The following GALNS variants were observed in gnomAD, a reference collection of about 807,000 sequenced individuals.
GALNS encodes galactosamine (N-acetyl)-6-sulfatase, also known as N-acetylgalactosamine-6-sulfatase.
A neutral mutation model predicts 65.9 loss-of-function variants in GALNS; 65 were observed. That is an observed-to-expected ratio of 0.99 (90% CI 0.81 to 1.21). The LOEUF is 1.21. Ranked by LOEUF, GALNS falls within the 50% of genes most tolerant of loss-of-function variation. GALNS has a pLI of 0.00. For synonymous variants in GALNS, 346 were observed against 288.9 expected (o/e 1.20, Z -2.00); for missense variants, 776 against 700.7 (o/e 1.11, Z -1.21).
chr16:88,842,072 G>A (rs1967001889), intron 2 of GALNS, 101 bp from the exon 3 acceptor site: 11 of 1,041,434 alleles, frequency 1.1e-5, no homozygotes, highest in African/African-American at 7.9e-5. Flanking sequence ...CGTGACAGAC[G>A]AGGCACGCGC....
intron 6 of GALNS, 117 bp from the exon 7 acceptor site, chr16:88,835,966 CGTCCCACGG>C: frequency 2.0e-6 from 3 of 1,497,846 alleles, no homozygotes; most frequent in Middle Eastern, 1.9e-4. Context: ...CGTCCCCACG[CGTCCCACGG>C]GGCAAGGTTG....
intron 2 of GALNS, chr16:88,842,305 C>T: frequency 1.9e-6 from 1 of 521,458 alleles, no homozygotes; most frequent in South Asian, 2.0e-5. Context: ...CTGCCTTCTC[C>T]TCTTCCTCAC....
chr16:88,824,969 A>G (rs1910654554), intron 10 of GALNS, 100 bp from the exon 11 acceptor site: 1 of 899,732 alleles, frequency 1.1e-6, no homozygotes. Flanking sequence ...TCATGCCTCC[A>G]CGTGAGGTCT....
At chr16:88,830,047 A>G (rs1194849590) in intron 9 of GALNS, among the ~76,000 whole-genome samples, 2 of 152,116 alleles carry the variant, frequency 1.3e-5, no homozygotes, top group Non-Finnish European at 2.9e-5. Context: ...ACTGGCCAAC[A>G]TAGTGAAACT....
intron 1 of GALNS, chr16:88,855,892 T>G (rs964767556): frequency 1.7e-5 from 9 of 518,648 alleles, no homozygotes; most frequent in African/African-American, 1.5e-4. Context: ...CAAAACTGTC[T>G]GGTACTCGGT....
intron 10 of GALNS, 86 bp downstream of exon 10, chr16:88,826,616 C>G: frequency 6.6e-7 from 1 of 1,504,886 alleles, no homozygotes; most frequent in Non-Finnish European, 9.1e-7. Context: ...AGGAGGGCTG[C>G]TGGGCCTGGG....
In GALNS at chr16:88,816,060, C is replaced by T. The variant is rs533340272; in HGVS notation, c.1483-1535G>A. 6 of 985,452 alleles carry T rather than the reference C, an allele frequency of 6.1e-6. No individual in the cohort carries two copies. In the East Asian group the frequency reaches 3.4e-4, roughly 56 times the overall value. 61.0% of individuals were successfully genotyped at this position (985,452 alleles called of 1,614,324 possible). A position where few individuals can be genotyped will look rare whatever the true frequency, so the allele number is the denominator to read the frequency against. Reference sequence around the variant, plus strand: ...GCGTGTCTGTGCATCTCCCCCATGGCTCTGCTCACGGTGGCATCTGGGCCC... The same window carrying T: ...GCGTGTCTGTGCATCTCCCCCATGGTTCTGCTCACGGTGGCATCTGGGCCC... On this transcript the variant is annotated intron_variant, in intron 13 of 13. Coordinates refer to ENST00000268695, the MANE Select transcript of GALNS (RefSeq NM_000512.5).
Position 88,841,094 on chromosome 16 carries a change from G to A in GALNS, c.320C>T (p.Ala107Val), listed in dbSNP as rs758479097. 1 of 1,612,318 alleles carries A rather than the reference G, an allele frequency of 6.2e-7. No individual in the cohort carries two copies. Among genetic ancestry groups the A allele is most frequent in the Admixed American group, 1.7e-5 (1 of 60,016 alleles). The change falls in exon 4 of 14, where the codon GCC becomes GTC. Residue 107 changes from alanine to valine, a missense_variant and splice_region_variant. Ala to Val is a moderately conservative substitution (Grantham distance 64, BLOSUM62 0). Transcript: ENST00000268695. Reference sequence around the variant, plus strand: ...GCCCACAATCTCCTGCGGTGTGTAGGCTGGAAGAGCAGCGCTGGGTGAGCC... The same window carrying A: ...GCCCACAATCTCCTGCGGTGTGTAGACTGGAAGAGCAGCGCTGGGTGAGCC... ...FYTTNAHARN[A>V]YTPQEIVGGI...
chr16:88,826,878 C>T (rs1303022448), intron 9 of GALNS, 40 bp from the exon 10 acceptor site: 3 of 1,553,276 alleles, frequency 1.9e-6, no homozygotes, highest in Non-Finnish European at 2.6e-6. Flanking sequence ...GCACTCTGCA[C>T]CGACCCGATG....
Position 88,835,224 on chromosome 16 carries a change from G to A in GALNS, c.887C>T (p.Ala296Val), listed in dbSNP as rs200371805. The stretch of plus-strand genomic sequence containing the variant: ...CAGCGAGCACTCACCTTGTTCGGGG[G>A]CGGAAATGAGGGCAGCGCCGTTGTC... ...TSDNGAALIS[A>V]PEQGGSNGPF... Residue 296 changes from alanine (A) to valine (V), a missense_variant, in exon 8 of 14, where the codon GCC becomes GTC. Transcript: ENST00000268695. 78 of 1,588,948 alleles carry A rather than the reference G, an allele frequency of 4.9e-5. 1 individual carries two copies. The East Asian group carries it at 1.7e-3, about 34-fold the overall frequency.
rs780787351 is a variant in GALNS at position 88,836,206 on chromosome 16, G to A, written c.628C>T (p.Leu210=). Reference sequence around the variant, plus strand: ...GATGGTGCGGTCCCCATCACCTGCAGGTAGATCTGGGTGAGGTTGGCTTCC... The same window carrying A: ...GATGGTGCGGTCCCCATCACCTGCAAGTAGATCTGGGTGAGGTTGGCTTCC... ...TGEANLTQIY[L]QEALDFIKRQ... The change falls in exon 6 of 14, where the codon CTG becomes TTG. Residue 210 remains leucine, a synonymous_variant. Coordinates refer to ENST00000268695, the MANE Select transcript of GALNS (RefSeq NM_000512.5). The A allele has an allele frequency of 3.7e-6, 6 of 1,613,368 alleles. No homozygotes were observed. The Admixed American group carries it at 1.0e-4, about 27-fold the overall frequency.
chr16:88,818,698 A>C (rs1034361677), intron 12 of GALNS, among the ~76,000 whole-genome samples: 2 of 152,214 alleles, frequency 1.3e-5, no homozygotes, highest in African/African-American at 2.4e-5. Context: ...GATGCTGTGA[A>C]TCTTGGGTCC....
intron 4 of GALNS, 119 bp downstream of exon 4, chr16:88,840,873 C>G: frequency 1.2e-6 from 1 of 806,330 alleles, no homozygotes; most frequent in Non-Finnish European, 2.2e-6. Context: ...CCAGAATCAG[C>G]TGCCGTTTCC....
intron 13 of GALNS, chr16:88,815,011 G>C: frequency 1.0e-6 from 1 of 984,676 alleles, no homozygotes; most frequent in Non-Finnish European, 1.2e-6. Context: ...GGGATTATAG[G>C]CGTGAGCCAC....
At chr16:88,818,638 A>G (rs1222168301) in intron 12 of GALNS, among the ~76,000 whole-genome samples, 2 of 152,206 alleles carry the variant, frequency 1.3e-5, no homozygotes, top group Admixed American at 6.5e-5. Context: ...AGATACGATT[A>G]CACGGCTCGA....
Position 88,817,328 on chromosome 16 carries a change from G to C in GALNS, c.1482+679C>G, listed in dbSNP as rs549906580. 5.7e-5 allele frequency: 56 copies of C among 985,450 alleles called. No individual in the cohort carries two copies. In the South Asian group the frequency reaches 2.3e-3, roughly 41 times the overall value. 61.0% of individuals were successfully genotyped at this position (985,450 alleles called of 1,614,324 possible). A position where few individuals can be genotyped will look rare whatever the true frequency, so the allele number is the denominator to read the frequency against. On this transcript the variant is annotated intron_variant, in intron 13 of 13. Coordinates refer to ENST00000268695, the MANE Select transcript of GALNS (RefSeq NM_000512.5). ...CACGTCTGTGCTTGTGTTTCTGGCC[G>C]ATGCTGGCGTGATGAGGCCGTTTCT...
At chr16:88,817,777 G>A (rs1909783831) in intron 13 of GALNS, among the ~76,000 whole-genome samples, 1 of 152,212 alleles carries the variant, frequency 6.6e-6, no homozygotes, top group East Asian at 1.9e-4. Context: ...GCCGGCTGTG[G>A]ACCTGCGGCT....
In GALNS at chr16:88,835,248, T is replaced by C. The variant is rs2143001134; in HGVS notation, c.863A>G (p.Asp288Gly). 1 of 1,605,184 alleles carries C rather than the reference T, an allele frequency of 6.2e-7. No individual in the cohort carries two copies. The highest frequency in any genetic ancestry group is 8.5e-7 in the Non-Finnish European group (1 of 1,175,446). The part of the protein sequence containing the change: ...ADNTFVFFTS[D>G]NGAALISAPE... Reference sequence around the variant, plus strand: ...GGCGGAAATGAGGGCAGCGCCGTTGTCCGACGTGAAGAAGACGAAGGTGTT... The same window carrying C: ...GGCGGAAATGAGGGCAGCGCCGTTGCCCGACGTGAAGAAGACGAAGGTGTT... Residue 288 changes from aspartate (D) to glycine (G), a missense_variant, in exon 8 of 14, where the codon GAC becomes GGC. Asp to Gly is a moderately conservative substitution (Grantham distance 94, BLOSUM62 -1). Coordinates refer to ENST00000268695, the MANE Select transcript of GALNS (RefSeq NM_000512.5).
intron 3 of GALNS, 38 bp from the exon 4 acceptor site, chr16:88,841,132 C>G (rs755925431): frequency 6.5e-7 from 1 of 1,528,146 alleles, no homozygotes; most frequent in African/African-American, 1.4e-5. Context: ...GAGGAGACCC[C>G]GAGAAGCTGC....
Sources: allele counts gnomAD v4.1 joint callset (sites outside exome capture counted in the v4.1 genomes callset), GRCh38; gene constraint gnomAD v4.1.1; transcripts MANE v1.5; gene names NCBI Gene and HGNC (gene_info 2026-07-23, HGNC 2026-07-21).